The following LGALS9 variants were observed in gnomAD, a reference collection of about 807,000 sequenced individuals.
The protein encoded by LGALS9 is galectin 9.
In LGALS9, 26 loss-of-function variants were observed where a neutral mutation model predicts 35.9. That is an observed-to-expected ratio of 0.72 (90% CI 0.53 to 1.01). The LOEUF (loss-of-function observed/expected upper bound fraction) is 1.01. LGALS9 is among the 50% of genes least tolerant of loss of function. The probability of loss-of-function intolerance (pLI) is 0.00; values close to 1 mark genes in which losing one functional copy is unlikely to be tolerated. For synonymous variants in LGALS9, 149 were observed against 172.2 expected, an observed-to-expected ratio of 0.87 and a Z score of 1.06; for missense variants, 347 against 445.8, an observed-to-expected ratio of 0.78 and a Z score of 1.99.
Position 27,648,895 on chromosome 17 carries a change from T to C in LGALS9, c.981T>C (p.Phe327=). 6.2e-7 allele frequency: 1 copy of C among 1,613,938 alleles called. No individual in the cohort carries two copies. ...LKVAVDGQHL[F]EYYHRLRNLP... is the part of the protein sequence containing the mutation. ...TGGCCGTGGATGGTCAGCACCTGTT[T>C]GAATACTACCATCGCCTGAGGAACC... Residue 327 remains phenylalanine (F), a synonymous_variant, in exon 11 of 11, where the codon TTT becomes TTC. Coordinates refer to ENST00000395473, the MANE Select transcript of LGALS9 (RefSeq NM_009587.3).
rs182925028 is a variant in LGALS9, at chr17:27,649,098, C to A, written c.*116C>A. 7.7e-5 allele frequency: 116 copies of A among 1,504,538 alleles called. No homozygotes were observed. The East Asian group carries it at 2.4e-3, about 31-fold the overall frequency. The allele number at this position is 1,504,538 out of a possible 1,614,324, so 93.2% of individuals were successfully genotyped here. ...CCTGCCTGGGATCTGGGCTTTAATGCAGAGGCCATGTCCTTGTCTGGTCCT... is the reference window on the plus strand; with the variant it reads ...CCTGCCTGGGATCTGGGCTTTAATGAAGAGGCCATGTCCTTGTCTGGTCCT... On this transcript the variant is annotated 3_prime_UTR_variant, in exon 11 of 11. Coordinates refer to ENST00000395473, the MANE Select transcript of LGALS9 (RefSeq NM_009587.3).
rs749073191 is a variant in LGALS9 at position 27,640,776 on chromosome 17, G to T, written c.333+3G>T. 2 of 1,613,948 alleles carry T rather than the reference G, an allele frequency of 1.2e-6. No homozygotes were observed. The highest frequency in any genetic ancestry group is 1.3e-5 in the African/African-American group (1 of 75,048). On this transcript the variant is annotated splice_donor_region_variant and intron_variant, in intron 3 of 10. Transcript: ENST00000395473. Reference sequence around the variant, plus strand: ...TGGTGCAGAGCTCAGATTTCAAGGTGAGCAAGAATCCCCTCCCCACCTCTC... The same window carrying T: ...TGGTGCAGAGCTCAGATTTCAAGGTTAGCAAGAATCCCCTCCCCACCTCTC...
intron 3 of LGALS9, 188 bp downstream of exon 3, chr17:27,640,961 A>C: frequency 1.1e-6 from 1 of 902,920 alleles, no homozygotes; most frequent in African/African-American, 1.7e-5. Flanking sequence ...ATCTGAATCT[A>C]CAGGTGCACC....
At chr17:27,637,436 T>C (rs2074465127) in intron 1 of LGALS9, among the ~76,000 whole-genome samples, 1 of 152,102 alleles carries the variant, frequency 6.6e-6, no homozygotes, top group Admixed American at 6.5e-5. Context: ...AGACCTGGAG[T>C]TGGCCTGACT....
Position 27,640,755 on chromosome 17 carries a change from G to A in LGALS9, c.315G>A (p.Val105=). ...TGCCCTTTGACCTCTGCTTCCTGGTGCAGAGCTCAGATTTCAAGGTGAGCA... is the reference window on the plus strand; with the variant it reads ...TGCCCTTTGACCTCTGCTTCCTGGTACAGAGCTCAGATTTCAAGGTGAGCA... The part of the protein sequence containing the change: ...KGMPFDLCFL[V]QSSDFKVMVN... Residue 105 remains valine (V), a synonymous_variant, in exon 3 of 11, where the codon GTG becomes GTA. Transcript: ENST00000395473. The A allele has an allele frequency of 6.2e-7, 1 of 1,614,154 alleles. No homozygotes were observed. Among genetic ancestry groups the A allele is most frequent in the Non-Finnish European group, 8.5e-7 (1 of 1,179,988 alleles).
intron 5 of LGALS9, chr17:27,644,083 C>G (rs1904738178): frequency 6.3e-6 from 1 of 158,190 alleles, no homozygotes; most frequent in African/African-American, 2.4e-5. Context: ...CACGTCCCTG[C>G]CTCACCCCCA....
At chr17:27,637,410 A>G (rs2074464814) in intron 1 of LGALS9, among the ~76,000 whole-genome samples, 1 of 152,260 alleles carries the variant, frequency 6.6e-6, no homozygotes, top group Non-Finnish European at 1.5e-5. Flanking sequence ...GGTCATGAGC[A>G]GCAGAGCTAG....
At chr17:27,641,478 C>G (rs532614677) in intron 3 of LGALS9, among the ~76,000 whole-genome samples, 1 of 152,196 alleles carries the variant, frequency 6.6e-6, no homozygotes, top group South Asian at 2.1e-4. Flanking sequence ...AGGAGCTGAA[C>G]GATGAGAACA....
intron 1 of LGALS9, among the ~76,000 whole-genome samples, chr17:27,637,457 G>A (rs1191960475): frequency 6.6e-6 from 1 of 152,210 alleles, no homozygotes; most frequent in Non-Finnish European, 1.5e-5. Context: ...CTAAAACGAT[G>A]CATGCCTCAC....
intron 1 of LGALS9, among the ~76,000 whole-genome samples, chr17:27,632,646 T>G (rs548189415): frequency 1.1e-4 from 17 of 152,222 alleles, no homozygotes; most frequent in Non-Finnish European, 2.2e-4. Flanking sequence ...TCCCAGAGCT[T>G]CTTCCAGGTT....
At chr17:27,631,389 A>T in intron 1 of LGALS9, 85 bp downstream of exon 1, 141 of 1,503,188 alleles carry the variant, frequency 9.4e-5, no homozygotes, top group Non-Finnish European at 1.2e-4. Context: ...CCTGGGTGGC[A>T]GGGGATGGGG....
At chr17:27,634,610 GCTT>G (rs2074424665) in intron 1 of LGALS9, among the ~76,000 whole-genome samples, 1 of 152,108 alleles carries the variant, frequency 6.6e-6, no homozygotes, top group African/African-American at 2.4e-5. Flanking sequence ...ACGCAAACCA[GCTT>G]CTTCTTGCTT....
At chr17:27,648,382 G>A (rs1905090241) in intron 10 of LGALS9, among the ~76,000 whole-genome samples, 2 of 152,278 alleles carry the variant, frequency 1.3e-5, no homozygotes, top group Non-Finnish European at 2.9e-5. Context: ...AATGGAATGA[G>A]ACAGTATCTG....
rs1444816624 is a variant in LGALS9, at chr17:27,640,560, C to A, written c.132-12C>A. 3 of 1,614,010 alleles carry A rather than the reference C, an allele frequency of 1.9e-6. No homozygotes were observed. Among genetic ancestry groups the A allele is most frequent in the Non-Finnish European group, 8.5e-7 (1 of 1,179,888 alleles). ...CATGCCACAGAAGACTATTTGCTTT[C>A]CCTGGGCCTAGGTTTGCTGTGAACT... On this transcript the variant is annotated splice_polypyrimidine_tract_variant and intron_variant, in intron 2 of 10. Transcript: ENST00000395473.
intron 1 of LGALS9, among the ~76,000 whole-genome samples, chr17:27,633,838 C>T (rs187320098): frequency 9.8e-5 from 15 of 152,348 alleles, no homozygotes; most frequent in Admixed American, 3.3e-4. Flanking sequence ...AGAACACTGT[C>T]GGGTGGTGTT....
rs1326136989 is a variant in LGALS9, at chr17:27,649,310, G to A, written c.*328G>A. 5 of 409,200 alleles carry A rather than the reference G, an allele frequency of 1.2e-5. No individual in the cohort carries two copies. The highest frequency in any genetic ancestry group is 2.3e-5 in the South Asian group (1 of 43,542). 25.3% of individuals were successfully genotyped at this position (409,200 alleles called of 1,614,324 possible). ...TGCTCAGTCCCCTCCCATCCCCCAC[G>A]CAGCTCCACCCCAGTCCCAAGCCAC... On this transcript the variant is annotated 3_prime_UTR_variant, in exon 11 of 11. Transcript: ENST00000395473.
chr17:27,643,472 C>A, intron 4 of LGALS9, 53 bp from the exon 5 acceptor site: 17 of 1,608,506 alleles, frequency 1.1e-5, no homozygotes, highest in Non-Finnish European at 1.4e-5. Context: ...TTCGGCTTCT[C>A]CTTGGCTCTA....
intron 1 of LGALS9, among the ~76,000 whole-genome samples, chr17:27,632,266 G>C (rs968921823): frequency 6.0e-5 from 9 of 149,274 alleles, no homozygotes; most frequent in South Asian, 2.1e-4. Flanking sequence ...GGGTGGGGAG[G>C]CAGGGTGGGG....
chr17:27,640,986 C>T (rs1904451745), intron 3 of LGALS9: 2 of 810,044 alleles, frequency 2.5e-6, no homozygotes, highest in African/African-American at 1.7e-5. Flanking sequence ...GCTTCTTTTA[C>T]TCTGAAAATA....
Sources: allele counts gnomAD v4.1 joint callset (sites outside exome capture counted in the v4.1 genomes callset), GRCh38; gene constraint gnomAD v4.1.1; transcripts MANE v1.5; gene names NCBI Gene and HGNC (gene_info 2026-07-23, HGNC 2026-07-21).